Variants in NFIB observed in about 807,000 individuals in gnomAD.
NFIB encodes nuclear factor 1 B-type.
NFIB carries 11 observed loss-of-function variants against 61.5 expected under a neutral mutation model. That is an observed-to-expected ratio of 0.18 (90% CI 0.11 to 0.30). The LOEUF is 0.30. NFIB is among the 10% of genes least tolerant of loss of function. The pLI, the probability that NFIB is intolerant of heterozygous loss-of-function variation, is 1.00. For synonymous variants in NFIB, 260 were observed against 216.5 expected (o/e 1.20, Z -1.76); for missense variants, 471 against 608.9 (o/e 0.77, Z 2.38).
the NFIB span, among the ~76,000 whole-genome samples, chr9:14,503,466 T>A: frequency 9.8e-5 from 15 of 152,292 alleles, no homozygotes; most frequent in South Asian, 4.1e-4. Flanking sequence ...TTGTTTTTTT[T>A]AAATTTTTTG....
At chr9:14,437,889 G>A in the NFIB span, among the ~76,000 whole-genome samples, 2 of 152,370 alleles carry the variant, frequency 1.3e-5, no homozygotes, top group African/African-American at 4.8e-5. Flanking sequence ...GGCTGGCCCA[G>A]TGCCCAGTTT....
At chr9:14,209,070 A>C (rs1326759079) in intron 2 of NFIB, among the ~76,000 whole-genome samples, 1 of 152,202 alleles carries the variant, frequency 6.6e-6, no homozygotes, top group Non-Finnish European at 1.5e-5. Context: ...CTACAGCAAA[A>C]TTATGTTGCC....
At chr9:14,260,040 G>A (rs1164819519) in intron 2 of NFIB, among the ~76,000 whole-genome samples, 1 of 152,210 alleles carries the variant, frequency 6.6e-6, no homozygotes, top group Non-Finnish European at 1.5e-5. Flanking sequence ...TTTGCCTTCT[G>A]TGAGGGTCTG....
chr9:14,422,893 A>G, the NFIB span, among the ~76,000 whole-genome samples: 1 of 152,212 alleles, frequency 6.6e-6, no homozygotes, highest in African/African-American at 2.4e-5. Context: ...AAAGATGCAC[A>G]TGGAGGCCCC....
chr9:14,480,891 C>T, the NFIB span, among the ~76,000 whole-genome samples: 1 of 151,984 alleles, frequency 6.6e-6, no homozygotes, highest in African/African-American at 2.4e-5. Context: ...TGCTGGAAAT[C>T]ACTTCATAAC....
intron 1 of NFIB, among the ~76,000 whole-genome samples, chr9:14,344,989 C>T (rs953155476): frequency 6.6e-6 from 1 of 152,138 alleles, no homozygotes; most frequent in African/African-American, 2.4e-5. Flanking sequence ...ACTGCAGCTT[C>T]CACCTTCGGC....
chr9:14,135,141 T>C (rs1053350756), intron 6 of NFIB, among the ~76,000 whole-genome samples: 3 of 152,174 alleles, frequency 2.0e-5, no homozygotes, highest in Admixed American at 6.5e-5. Flanking sequence ...ATTTTTATTT[T>C]CTTCTTCATA....
At chr9:14,222,853 G>A (rs1230098448) in intron 2 of NFIB, among the ~76,000 whole-genome samples, 1 of 150,570 alleles carries the variant, frequency 6.6e-6, no homozygotes, top group Admixed American at 6.6e-5. Flanking sequence ...TTGCAGACCA[G>A]CTCAAACACC....
intron 2 of NFIB, among the ~76,000 whole-genome samples, chr9:14,213,549 G>C (rs73645013): frequency 0.15 from 23,001 of 152,182 alleles, 2,093 homozygotes; most frequent in South Asian, 0.33. Flanking sequence ...GGTCAGACCA[G>C]TGCTGCTGGT....
intron 2 of NFIB, among the ~76,000 whole-genome samples, chr9:14,276,444 G>A (rs1324909331): frequency 6.6e-6 from 1 of 152,140 alleles, no homozygotes; most frequent in East Asian, 1.9e-4. Context: ...GACCTTCAGA[G>A]CAATATGGTT....
At chr9:14,461,192 T>C in the NFIB span, among the ~76,000 whole-genome samples, 2 of 152,062 alleles carry the variant, frequency 1.3e-5, no homozygotes, top group East Asian at 3.9e-4. Context: ...CCTCAGTAGA[T>C]TGTGAGGTCT....
intron 1 of NFIB, among the ~76,000 whole-genome samples, chr9:14,396,695 T>C (rs1329459029): frequency 2.0e-5 from 3 of 152,174 alleles, no homozygotes; most frequent in Non-Finnish European, 4.4e-5. Context: ...AAAGGAGAAA[T>C]TGCTCATTTG....
the NFIB span, among the ~76,000 whole-genome samples, chr9:14,411,905 C>T: frequency 1.4e-3 from 210 of 152,254 alleles, 1 homozygote; most frequent in Non-Finnish European, 1.6e-3. Context: ...GATGGGGAGG[C>T]TAGGGCAGGG....
upstream of NFIB, among the ~76,000 whole-genome samples, chr9:14,402,819 C>G (rs115035113): frequency 6.6e-6 from 1 of 152,126 alleles, no homozygotes; most frequent in African/African-American, 2.4e-5. Flanking sequence ...CACTAGATGC[C>G]AAAACTATTA....
At chr9:14,514,327 T>C in the NFIB span, among the ~76,000 whole-genome samples, 95,476 of 147,382 alleles carry the variant, frequency 0.65, 31,252 homozygotes, top group Non-Finnish European at 0.71. Context: ...CATACATACA[T>C]ACACACACAC....
intron 2 of NFIB, chr9:14,180,770 G>GTCC (rs1228557593): frequency 6.6e-6 from 1 of 152,224 alleles, no homozygotes; most frequent in Admixed American, 6.5e-5. Flanking sequence ...CTTCTTTTGT[G>GTCC]TCCTCCTCAG....
intron 2 of NFIB, among the ~76,000 whole-genome samples, chr9:14,190,524 G>A (rs551168469): frequency 2.0e-5 from 3 of 152,234 alleles, no homozygotes; most frequent in Non-Finnish European, 4.4e-5. Context: ...GTGGTTCAAA[G>A]AACTTCTGTC....
At chr9:14,309,137 C>T (rs2060166470) in intron 1 of NFIB, among the ~76,000 whole-genome samples, 1 of 152,146 alleles carries the variant, frequency 6.6e-6, no homozygotes, top group Non-Finnish European at 1.5e-5. Context: ...TCACCCTGAA[C>T]TACGTGGAAT....
chr9:14,309,864 A>C (rs1197918086), intron 1 of NFIB, among the ~76,000 whole-genome samples: 2 of 152,140 alleles, frequency 1.3e-5, no homozygotes, highest in Non-Finnish European at 2.9e-5. Context: ...ACAAAACTAA[A>C]ACCTTGAGAA....
Sources: allele counts gnomAD v4.1 joint callset (sites outside exome capture counted in the v4.1 genomes callset), GRCh38; gene constraint gnomAD v4.1.1; transcripts MANE v1.5; gene names NCBI Gene and HGNC (gene_info 2026-07-23, HGNC 2026-07-21).